TTBK2: variants seen among roughly 807,000 people sequenced by gnomAD.
TTBK2 encodes tau tubulin kinase 2.
A neutral mutation model predicts 110.8 loss-of-function variants in TTBK2; 28 were observed. The observed-to-expected ratio is 0.25, with a 90% CI of 0.19 to 0.35. The LOEUF (loss-of-function observed/expected upper bound fraction) is 0.35. Ranked by LOEUF, TTBK2 falls within the 10% of genes least tolerant of loss-of-function variation. The pLI, the probability that TTBK2 is intolerant of heterozygous loss-of-function variation, is 1.00. For synonymous variants in TTBK2, 532 were observed against 527.3 expected, an observed-to-expected ratio of 1.01 and a Z score of -0.12; for missense variants, 1,369 against 1,500.3, an observed-to-expected ratio of 0.91 and a Z score of 1.45.
At chr15:42,749,673 T>C (rs1162600854) in intron 14 of TTBK2, among the ~76,000 whole-genome samples, 1 of 152,234 alleles carries the variant, frequency 6.6e-6, no homozygotes, top group African/African-American at 2.4e-5. Flanking sequence ...GGTTCTCCTC[T>C]GGCTGAAGTG....
At chr15:42,824,303 C>T (rs974664262) in intron 6 of TTBK2, among the ~76,000 whole-genome samples, 1 of 152,122 alleles carries the variant, frequency 6.6e-6, no homozygotes, top group African/African-American at 2.4e-5. Flanking sequence ...TCATATACCA[C>T]CCCTCCCCCA....
At chr15:42,901,134 G>T (rs1439687926) in intron 1 of TTBK2, among the ~76,000 whole-genome samples, 1 of 152,148 alleles carries the variant, frequency 6.6e-6, no homozygotes, top group South Asian at 2.1e-4. Flanking sequence ...GCCGAGGCAG[G>T]TGGATCACCT....
In TTBK2 at chr15:42,743,469, A is replaced by C. The variant is rs2061762038; in HGVS notation, c.*2326T>G. 6.6e-6 allele frequency: 1 copy of C among 152,258 alleles called. No homozygotes were observed. The highest frequency in any genetic ancestry group is 2.1e-4 in the South Asian group (1 of 4,834). 9.4% of individuals were successfully genotyped at this position (152,258 alleles called of 1,614,324 possible). The stretch of plus-strand genomic sequence containing the variant: ...TTCCGACTAAAGGGGTCAGGATTTA[A>C]AGCTAGCTACTTTTAGCACAATTTA... On this transcript the variant is annotated 3_prime_UTR_variant, in exon 15 of 15. Coordinates refer to ENST00000267890, the MANE Select transcript of TTBK2 (RefSeq NM_173500.4).
At chr15:42,751,923 G>A in intron 14 of TTBK2, 51 bp downstream of exon 14, 1 of 1,600,178 alleles carries the variant, frequency 6.2e-7, no homozygotes. Flanking sequence ...CAATAAAGCA[G>A]ATATAGAAAT....
chr15:42,908,395 T>C (rs2030541057), intron 1 of TTBK2: 1 of 152,290 alleles, frequency 6.6e-6, no homozygotes, highest in East Asian at 1.9e-4. Flanking sequence ...TGCTTGAGCC[T>C]AGGAGTTCAA....
rs1555422978 is a variant in TTBK2 at position 42,777,121 on chromosome 15, A to C, written c.1319T>G (p.Val440Gly). The C allele has an allele frequency of 1.2e-6, 2 of 1,614,192 alleles. No homozygotes were observed. The highest frequency in any genetic ancestry group is 1.7e-6 in the Non-Finnish European group (2 of 1,180,042). The part of the protein sequence containing the change: ...ITQPDRDIPL[V>G]RKLRSIHSFE... The stretch of plus-strand genomic sequence containing the variant: ...GCTGTGAATGGAACGTAACTTTCGC[A>C]CCAGTGGAATATCTCTGTCTGGCTG... The change falls in exon 12 of 15, where the codon GTG becomes GGG. Residue 440 changes from valine to glycine, a missense_variant. Coordinates refer to ENST00000267890, the MANE Select transcript of TTBK2 (RefSeq NM_173500.4).
intron 3 of TTBK2, among the ~76,000 whole-genome samples, chr15:42,849,508 G>A (rs548912228): frequency 7.2e-5 from 11 of 152,000 alleles, no homozygotes; most frequent in Non-Finnish European, 1.5e-4. Context: ...TTTCTAAGCT[G>A]AGTGATTCTA....
intron 11 of TTBK2, among the ~76,000 whole-genome samples, chr15:42,779,131 C>T (rs12913618): frequency 0.15 from 22,888 of 152,174 alleles, 1,982 homozygotes; most frequent in South Asian, 0.23. Flanking sequence ...TTGGGCTGGG[C>T]GTGGCGGCTC....
intron 13 of TTBK2, among the ~76,000 whole-genome samples, chr15:42,764,327 G>A (rs950195624): frequency 6.6e-6 from 1 of 152,246 alleles, no homozygotes; most frequent in Middle Eastern, 3.2e-3. Context: ...GAAGCATAGG[G>A]GGTTGGGGGA....
intron 2 of TTBK2, among the ~76,000 whole-genome samples, chr15:42,876,486 C>T (rs1894824458): frequency 6.6e-6 from 1 of 152,138 alleles, no homozygotes; most frequent in Non-Finnish European, 1.5e-5. Context: ...GCTGAATCTC[C>T]CTGCACTAGT....
intron 3 of TTBK2, chr15:42,855,024 T>A (rs1454702101): frequency 4.6e-5 from 7 of 152,200 alleles, no homozygotes; most frequent in Admixed American, 3.9e-4. Context: ...AGTTTAAATA[T>A]ACATAATCTC....
chr15:42,891,013 T>G (rs1372860943), intron 1 of TTBK2, among the ~76,000 whole-genome samples: 8 of 151,690 alleles, frequency 5.3e-5, no homozygotes, highest in African/African-American at 1.9e-4. Flanking sequence ...GGATTACAGG[T>G]GTGCACCACC....
At chr15:42,793,571 C>T (rs953874466) in intron 10 of TTBK2, among the ~76,000 whole-genome samples, 3 of 151,134 alleles carry the variant, frequency 2.0e-5, no homozygotes, top group Non-Finnish European at 4.4e-5. Context: ...AAAATCAGGC[C>T]GGCGCAGTGG....
intron 9 of TTBK2, among the ~76,000 whole-genome samples, chr15:42,809,639 C>A (rs946795147): frequency 6.6e-6 from 1 of 152,160 alleles, no homozygotes; most frequent in Non-Finnish European, 1.5e-5. Context: ...AAACAACTCA[C>A]ACACAGTGTA....
At chr15:42,880,668 A>G (rs1482626569) in intron 1 of TTBK2, among the ~76,000 whole-genome samples, 1 of 152,204 alleles carries the variant, frequency 6.6e-6, no homozygotes, top group Non-Finnish European at 1.5e-5. Flanking sequence ...TGGTGGGATC[A>G]TAAGCATGAA....
chr15:42,801,800 T>C (rs767721079), intron 9 of TTBK2: 4 of 828,658 alleles, frequency 4.8e-6, no homozygotes, highest in Non-Finnish European at 8.4e-6. Flanking sequence ...ATCTTGTTCA[T>C]GTAAGCTTCA....
chr15:42,751,848 G>T, intron 14 of TTBK2, 126 bp downstream of exon 14: 1 of 1,219,542 alleles, frequency 8.2e-7, no homozygotes, highest in Non-Finnish European at 1.2e-6. Context: ...TGTAAGGCCT[G>T]GGAAAGGCAG....
intron 13 of TTBK2, among the ~76,000 whole-genome samples, chr15:42,767,073 C>T (rs912948591): frequency 2.0e-5 from 3 of 152,206 alleles, no homozygotes; most frequent in Non-Finnish European, 1.5e-5. Context: ...TAAAGATGTT[C>T]TTTGAAACCA....
chr15:42,833,836 C>T (rs181711413), intron 4 of TTBK2, among the ~76,000 whole-genome samples: 1 of 151,942 alleles, frequency 6.6e-6, no homozygotes, highest in Non-Finnish European at 1.5e-5. Context: ...GGTAAAACCC[C>T]GTCTCTACTA....
Sources: allele counts gnomAD v4.1 joint callset (sites outside exome capture counted in the v4.1 genomes callset), GRCh38; gene constraint gnomAD v4.1.1; transcripts MANE v1.5; gene names NCBI Gene and HGNC (gene_info 2026-07-23, HGNC 2026-07-21).